TLL1: variants seen among roughly 807,000 people sequenced by gnomAD.
TLL1 encodes the protein tolloid-like protein 1.
Under a neutral mutation model 128.2 loss-of-function variants are expected in TLL1, and 49 were observed. The ratio of observed to expected loss-of-function variants is 0.38; its 90% CI spans 0.30 to 0.48. The LOEUF (loss-of-function observed/expected upper bound fraction) is 0.48, where lower values mean the gene tolerates loss of function less well. Ranked by LOEUF, TLL1 falls within the 20% of genes least tolerant of loss-of-function variation. TLL1 has a pLI of 0.96. For synonymous variants in TLL1, 454 were observed against 418.8 expected (o/e 1.08, Z -1.03); for missense variants, 1,123 against 1,242.0 (o/e 0.90, Z 1.44).
intron 1 of TLL1, among the ~76,000 whole-genome samples, chr4:165,900,859 A>G (rs1201984720): frequency 6.6e-6 from 1 of 151,948 alleles, no homozygotes; most frequent in Non-Finnish European, 1.5e-5. Context: ...TCTCCCCATC[A>G]CTTTCAGGTA....
At chr4:165,876,375 G>A (rs1231800142) in intron 1 of TLL1, among the ~76,000 whole-genome samples, 4 of 152,064 alleles carry the variant, frequency 2.6e-5, no homozygotes, top group South Asian at 2.1e-4. Flanking sequence ...AGATGGGGAC[G>A]GGTCTGTGAA....
Position 166,077,936 on chromosome 4 carries a change from G to A in TLL1, c.2348G>A (p.Gly783Asp), listed in dbSNP as rs1248686308. ...ECEQKIHSPS[G>D]LITSPNWPDK... ...GAACAGAAGATCCACAGTCCAAGTG[G>A]CCTCATCACCAGTCCCAACTGGCCA... Residue 783 changes from glycine to aspartate, a missense_variant, in exon 18 of 21, where the codon GGC becomes GAC. Gly to Asp is a moderately conservative substitution (Grantham distance 94). Around this residue, in one of 3 missense-constraint regions of TLL1, gnomAD observed 634 missense variants for 672.4 expected, o/e 0.94. Coordinates refer to ENST00000061240, the MANE Select transcript of TLL1 (RefSeq NM_012464.5). The A allele has an allele frequency of 5.6e-6, 9 of 1,613,578 alleles. No homozygotes were observed. The highest frequency in any genetic ancestry group is 7.6e-6 in the Non-Finnish European group (9 of 1,179,724).
intron 1 of TLL1, among the ~76,000 whole-genome samples, chr4:165,980,818 T>C (rs546335592): frequency 9.7e-4 from 148 of 152,078 alleles, no homozygotes; most frequent in Non-Finnish European, 1.5e-3. Context: ...GAATTCCTAT[T>C]GCCTAGCACA....
chr4:165,985,131 T>C (rs1323426340), intron 1 of TLL1, among the ~76,000 whole-genome samples: 1 of 152,046 alleles, frequency 6.6e-6, no homozygotes, highest in Non-Finnish European at 1.5e-5. Context: ...CTGTTGTTAG[T>C]ATTTTCAAAA....
rs191379639 is a variant in TLL1 at position 165,885,483 on chromosome 4, C to G, written c.169+11410C>G. On this transcript the variant is annotated intron_variant, in intron 1 of 20. Transcript: ENST00000061240. ...CATATCATGGCAGCCACCATAGGCCCTGAAGTAGGCCATGCAATTTCATGA... is the reference window on the plus strand; with the variant it reads ...CATATCATGGCAGCCACCATAGGCCGTGAAGTAGGCCATGCAATTTCATGA... Among the ~76,000 whole-genome samples the G allele has an allele frequency of 1.7e-4, 26 of 152,108 alleles. No individual in the cohort carries two copies. In the East Asian group the frequency reaches 4.5e-3, roughly 26 times the overall value.
chr4:166,002,430 T>C (rs1560803200), intron 5 of TLL1, among the ~76,000 whole-genome samples: 1 of 152,074 alleles, frequency 6.6e-6, no homozygotes, highest in Admixed American at 6.6e-5. Context: ...CTTTTGAAAA[T>C]AATGTTCTTT....
intron 16 of TLL1, among the ~76,000 whole-genome samples, chr4:166,071,609 A>G (rs934597974): frequency 6.6e-6 from 1 of 152,010 alleles, no homozygotes; most frequent in Admixed American, 6.6e-5. Flanking sequence ...ATTATGACAA[A>G]TGTTTAAATG....
intron 1 of TLL1, among the ~76,000 whole-genome samples, chr4:165,910,086 TG>T (rs1732461874): frequency 1.3e-5 from 2 of 152,098 alleles, no homozygotes; most frequent in Admixed American, 6.6e-5. Flanking sequence ...AATCACGCTG[TG>T]GTGAAAAGCA....
At chr4:165,965,400 C>G (rs1397910677) in intron 1 of TLL1, among the ~76,000 whole-genome samples, 5 of 152,164 alleles carry the variant, frequency 3.3e-5, no homozygotes, top group Non-Finnish European at 7.3e-5. Context: ...ATGTAGGACT[C>G]CAATATCCAA....
At chr4:165,976,984 C>G (rs1735913692) in intron 1 of TLL1, among the ~76,000 whole-genome samples, 1 of 152,164 alleles carries the variant, frequency 6.6e-6, no homozygotes, top group Admixed American at 6.5e-5. Flanking sequence ...CAAGACAGTT[C>G]TTCCAGTGTG....
chr4:166,063,939 TACGTATGTAACAAACTTC>T (rs1320207477), intron 15 of TLL1, among the ~76,000 whole-genome samples: 33 of 151,774 alleles, frequency 2.2e-4, no homozygotes, highest in African/African-American at 7.3e-4. Context: ...GGCACGTGTA[TACGTATGTAACAAACTTC>T]ACGTTGTGCA....
intron 18 of TLL1, among the ~76,000 whole-genome samples, chr4:166,079,374 T>C (rs895928695): frequency 2.0e-5 from 3 of 152,220 alleles, no homozygotes; most frequent in East Asian, 1.9e-4. Flanking sequence ...GTATAAAGTA[T>C]GTGCATTAGC....
At chr4:166,084,930 G>A (rs1439993706) in intron 18 of TLL1, among the ~76,000 whole-genome samples, 9 of 150,908 alleles carry the variant, frequency 6.0e-5, no homozygotes. Context: ...TTCTATTCCT[G>A]TGAAAAAATG....
At chr4:165,969,646 G>T (rs1735545305) in intron 1 of TLL1, among the ~76,000 whole-genome samples, 1 of 152,082 alleles carries the variant, frequency 6.6e-6, no homozygotes, top group East Asian at 1.9e-4. Context: ...GGGTTTTTTG[G>T]TTATTATTTT....
chr4:165,882,946 A>G (rs1035175295), intron 1 of TLL1, among the ~76,000 whole-genome samples: 6 of 151,980 alleles, frequency 3.9e-5, no homozygotes, highest in Non-Finnish European at 5.9e-5. Flanking sequence ...CAGAAAGAAG[A>G]TACGTGTTCG....
At position 165,877,067 on chromosome 4, in the gene TLL1, C is replaced by T. The variant is rs566016448; in HGVS notation, c.169+2994C>T. On this transcript the variant is annotated intron_variant, in intron 1 of 20. Coordinates refer to ENST00000061240, the MANE Select transcript of TLL1 (RefSeq NM_012464.5). Reference sequence around the variant, plus strand: ...AAACTTTTTTCTAAACAAGATCAAACGTGTGTTACCCAATGAGATTTGTTT... The same window carrying T: ...AAACTTTTTTCTAAACAAGATCAAATGTGTGTTACCCAATGAGATTTGTTT... Among the ~76,000 whole-genome samples the T allele has an allele frequency of 3.3e-5, 5 of 152,286 alleles. No individual in the cohort carries two copies. In the East Asian group the frequency reaches 5.8e-4, roughly 18 times the overall value.
intron 18 of TLL1, among the ~76,000 whole-genome samples, chr4:166,088,813 C>T (rs943026211): frequency 6.6e-6 from 1 of 152,042 alleles, no homozygotes; most frequent in African/African-American, 2.4e-5. Flanking sequence ...CTCAATGCTA[C>T]TTTGTGTGGT....
chr4:166,100,496 G>A (rs1359271989), intron 20 of TLL1, among the ~76,000 whole-genome samples: 1 of 152,066 alleles, frequency 6.6e-6, no homozygotes, highest in South Asian at 2.1e-4. Context: ...CTTAGAAAAT[G>A]TAACGTATGT....
chr4:166,026,336 T>C (rs1292862955), intron 9 of TLL1, among the ~76,000 whole-genome samples: 2 of 151,776 alleles, frequency 1.3e-5, no homozygotes, highest in East Asian at 3.9e-4. Context: ...TGCAGTGAGC[T>C]GAAATCCCAT....
Sources: allele counts gnomAD v4.1 joint callset (sites outside exome capture counted in the v4.1 genomes callset), GRCh38; gene constraint gnomAD v4.1.1; regional missense constraint gnomAD v4.1.1; transcripts MANE v1.5; gene names NCBI Gene and HGNC (gene_info 2026-07-23, HGNC 2026-07-21).